Variants in SLC17A5 observed in about 807,000 individuals in gnomAD.
SLC17A5 encodes the protein sialin.
In SLC17A5, 47 loss-of-function variants were observed where a neutral mutation model predicts 59.4. That is an observed-to-expected ratio of 0.79 (90% CI 0.63 to 1.01). SLC17A5 has a LOEUF of 1.01. Among genes scored for constraint, SLC17A5 ranks in the 50% least tolerant of loss-of-function variants. The pLI is 0.00. For missense variants in SLC17A5, 522 were observed against 595.5 expected, an observed-to-expected ratio of 0.88 and a Z score of 1.28; for synonymous variants, 202 against 210.7, an observed-to-expected ratio of 0.96 and a Z score of 0.36.
At chr6:73,642,552 C>T (rs1769334201) in intron 2 of SLC17A5, among the ~76,000 whole-genome samples, 1 of 152,176 alleles carries the variant, frequency 6.6e-6, no homozygotes, top group South Asian at 2.1e-4. Flanking sequence ...AGACGAAGCA[C>T]TTAAACAAGC....
intron 6 of SLC17A5, among the ~76,000 whole-genome samples, chr6:73,629,730 G>A (rs1041950001): frequency 6.6e-6 from 1 of 150,956 alleles, no homozygotes; most frequent in Admixed American, 6.6e-5. Context: ...AGCCAGGATC[G>A]CACCATTGCA....
rs541764103 is a variant in SLC17A5, at chr6:73,653,498, TCCCCCG to T, written c.94+289_94+294del. The T allele has an allele frequency of 8.1e-3, 7,712 of 953,122 alleles. 389 individuals carry two copies. In the African/African-American group the frequency reaches 0.12, roughly 15 times the overall value. 59.0% of individuals were successfully genotyped at this position (953,122 alleles called of 1,614,324 possible). Reference sequence around the variant, plus strand: ...AGCTCAGCGCCGGCTGCACCGCCGCTCCCCCGCCCCCGCCCCCGCCCCCGCCCCCGC... The same window carrying T: ...AGCTCAGCGCCGGCTGCACCGCCGCTCCCCCGCCCCCGCCCCCGCCCCCGC... On this transcript the variant is annotated intron_variant, in intron 1 of 10. Coordinates refer to ENST00000355773, the MANE Select transcript of SLC17A5 (RefSeq NM_012434.5).
chr6:73,649,704 G>A (rs575280298), intron 1 of SLC17A5, among the ~76,000 whole-genome samples: 1 of 152,184 alleles, frequency 6.6e-6, no homozygotes, highest in Non-Finnish European at 1.5e-5. Context: ...AGTTAGTAAT[G>A]TAAAATACTT....
At chr6:73,645,766 C>G (rs950463903) in intron 1 of SLC17A5, among the ~76,000 whole-genome samples, 2 of 122,278 alleles carry the variant, frequency 1.6e-5, no homozygotes, top group African/African-American at 3.3e-5. Flanking sequence ...CCAGCCTGGG[C>G]GACAGAGACA....
chr6:73,596,981 C>T (rs1241308629), intron 10 of SLC17A5, among the ~76,000 whole-genome samples: 3 of 149,654 alleles, frequency 2.0e-5, no homozygotes, highest in African/African-American at 5.0e-5. Flanking sequence ...GCCAACATGG[C>T]GAGACCCTGT....
intron 1 of SLC17A5, among the ~76,000 whole-genome samples, chr6:73,646,858 T>C (rs1427649690): frequency 6.6e-6 from 1 of 152,098 alleles, no homozygotes; most frequent in African/African-American, 2.4e-5. Context: ...TTTTTACTTG[T>C]AGAGTCGGGG....
chr6:73,636,017 G>C (rs1040272086), intron 5 of SLC17A5, among the ~76,000 whole-genome samples: 1 of 152,140 alleles, frequency 6.6e-6, no homozygotes, highest in Non-Finnish European at 1.5e-5. Flanking sequence ...GGGATTACAG[G>C]TGTGAGCCAC....
intron 10 of SLC17A5, among the ~76,000 whole-genome samples, chr6:73,599,683 G>A (rs542649225): frequency 1.3e-5 from 2 of 152,342 alleles, no homozygotes; most frequent in South Asian, 2.1e-4. Context: ...AACAGGTACC[G>A]TGTCACTTAA....
chr6:73,601,102 G>C (rs1767049990), intron 9 of SLC17A5, among the ~76,000 whole-genome samples: 1 of 146,526 alleles, frequency 6.8e-6, no homozygotes, highest in African/African-American at 2.5e-5. Context: ...AGTGAGGAGC[G>C]CCTCTTCCCG....
intron 9 of SLC17A5, among the ~76,000 whole-genome samples, chr6:73,608,094 A>T (rs1218077231): frequency 6.6e-6 from 1 of 151,982 alleles, no homozygotes; most frequent in Non-Finnish European, 1.5e-5. Context: ...ACTCATGTTT[A>T]TTTACATCTT....
At chr6:73,638,338 T>C (rs527676329) in intron 4 of SLC17A5, 74 bp downstream of exon 4, 12 of 1,020,832 alleles carry the variant, frequency 1.2e-5, no homozygotes, top group South Asian at 9.3e-5. Flanking sequence ...ATCGTTCTGG[T>C]ATGCAGGCCC....
chr6:73,608,745 G>A (rs1472331268), intron 9 of SLC17A5, among the ~76,000 whole-genome samples: 1 of 152,222 alleles, frequency 6.6e-6, no homozygotes, highest in Non-Finnish European at 1.5e-5. Flanking sequence ...GCCAGGTGCT[G>A]TGGCCCACGC....
At chr6:73,602,128 G>A (rs564803141) in intron 9 of SLC17A5, among the ~76,000 whole-genome samples, 43 of 151,344 alleles carry the variant, frequency 2.8e-4, no homozygotes, top group Admixed American at 1.6e-3. Flanking sequence ...CCTGTTGATC[G>A]GTGACCTTAC....
chr6:73,644,641 A>T, intron 1 of SLC17A5, 38 bp from the exon 2 acceptor site: 2 of 1,560,680 alleles, frequency 1.3e-6, no homozygotes, highest in Non-Finnish European at 1.7e-6. Flanking sequence ...ATTTATTTTT[A>T]AATTTTTATT....
intron 9 of SLC17A5, among the ~76,000 whole-genome samples, chr6:73,604,866 C>T (rs1767322968): frequency 1.3e-5 from 2 of 152,060 alleles, no homozygotes; most frequent in Admixed American, 1.3e-4. Flanking sequence ...TATTGGAAAA[C>T]CTTGTATCTG....
At chr6:73,633,596 G>A (rs9293933) in intron 6 of SLC17A5, among the ~76,000 whole-genome samples, 1 of 151,464 alleles carries the variant, frequency 6.6e-6, no homozygotes, top group Non-Finnish European at 1.5e-5. Context: ...TATCAATCTT[G>A]GGCTAGGCAC....
At chr6:73,626,972 A>G (rs529262295) in intron 6 of SLC17A5, among the ~76,000 whole-genome samples, 2 of 152,192 alleles carry the variant, frequency 1.3e-5, no homozygotes, top group Admixed American at 6.5e-5. Flanking sequence ...GGGTTTCACT[A>G]AGTTGACCAG....
At chr6:73,613,952 C>T (rs1056082444) in intron 8 of SLC17A5, among the ~76,000 whole-genome samples, 16 of 151,408 alleles carry the variant, frequency 1.1e-4, no homozygotes, top group African/African-American at 3.6e-4. Flanking sequence ...GACCTTGTCC[C>T]ATTAAAGAAA....
At chr6:73,615,117 C>A (rs1035596963) in intron 8 of SLC17A5, among the ~76,000 whole-genome samples, 198 bp downstream of exon 8, 1 of 152,174 alleles carries the variant, frequency 6.6e-6, no homozygotes, top group Non-Finnish European at 1.5e-5. Context: ...GGATACCTAG[C>A]TGGTGTCCGC....
Sources: gnomAD v4.1 joint callset for allele counts (sites outside exome capture counted in the v4.1 genomes callset) on GRCh38, gnomAD v4.1.1 for gene constraint, MANE v1.5 for transcripts, NCBI Gene and HGNC (gene_info 2026-07-23, HGNC 2026-07-21) for gene names.